The following ATP2B3 variants were observed in gnomAD, a reference collection of about 807,000 sequenced individuals.
ATP2B3 encodes the protein plasma membrane calcium-transporting ATPase 3.
Under a neutral mutation model 70.8 loss-of-function variants are expected in ATP2B3, and 12 were observed. That is an observed-to-expected ratio of 0.17 (90% confidence interval 0.11 to 0.27). The LOEUF (loss-of-function observed/expected upper bound fraction) is 0.27. Among genes scored for constraint, ATP2B3 ranks in the 10% least tolerant of loss-of-function variants. The pLI is 1.00. For synonymous variants in ATP2B3, 460 were observed against 497.8 expected (o/e 0.92, Z 1.01); for missense variants, 858 against 1,118.5 (o/e 0.77, Z 3.32).
intron 2 of ATP2B3, among the ~76,000 whole-genome samples, chrX:153,518,851 A>G (rs1193844709): frequency 8.9e-6 from 1 of 112,139 alleles, no homozygotes; most frequent in Non-Finnish European, 1.9e-5. Context: ...GAGGTCATAT[A>G]ACTTTCAAAG....
rs2090930245 is a variant in ATP2B3, at chrX:153,582,438, T to A, written c.*2140T>A. On this transcript the variant is annotated 3_prime_UTR_variant, in exon 22 of 22. Transcript: ENST00000263519. The stretch of plus-strand genomic sequence containing the variant: ...TCAATGAGAAATCAAATTTGAGACG[T>A]TGAAATTGGAGCTGCGTGCTGCTGC... The A allele has an allele frequency of 8.9e-6, 1 of 112,739 alleles. No homozygotes were observed. Among genetic ancestry groups the A allele is most frequent in the African/African-American group, 3.2e-5 (1 of 30,954 alleles). 9.3% of individuals were successfully genotyped at this position (112,739 alleles called of 1,213,427 possible).
chrX:153,520,222 T>C (rs2089938793), intron 2 of ATP2B3, among the ~76,000 whole-genome samples: 1 of 111,927 alleles, frequency 8.9e-6, no homozygotes, highest in Non-Finnish European at 1.9e-5. Flanking sequence ...AGTGCCGGGG[T>C]CAGCCGTGGA....
At chrX:153,526,034 T>C (rs2090027108) in intron 2 of ATP2B3, among the ~76,000 whole-genome samples, 1 of 112,443 alleles carries the variant, frequency 8.9e-6, no homozygotes, top group East Asian at 2.8e-4. Flanking sequence ...CATCCACCCT[T>C]CCCCGAAGGA....
intron 19 of ATP2B3, among the ~76,000 whole-genome samples, chrX:153,561,140 G>A (rs1321027346): frequency 8.9e-6 from 1 of 112,191 alleles, no homozygotes; most frequent in African/African-American, 3.2e-5. Flanking sequence ...AGCCCTCATC[G>A]GAACGAAGTT....
At chrX:153,530,688 T>A (rs1397563814) in intron 2 of ATP2B3, among the ~76,000 whole-genome samples, 1 of 106,101 alleles carries the variant, frequency 9.4e-6, no homozygotes, top group South Asian at 4.1e-4. Flanking sequence ...CATGCAGGAG[T>A]GGGGAGGGGG....
intron 11 of ATP2B3, 48 bp from the exon 12 acceptor site, chrX:153,549,997 A>C: frequency 8.4e-7 from 1 of 1,192,001 alleles, no homozygotes; most frequent in Non-Finnish European, 1.1e-6. Context: ...GGCAGCATGG[A>C]GGGTGGTCTC....
At position 153,527,369 on chromosome X, in the gene ATP2B3, G is replaced by A. The variant is rs782241948; in HGVS notation, c.-126-8753G>A. 1.9e-4 allele frequency among the ~76,000 whole-genome samples: 21 copies of A among 113,186 alleles called. 1 individual carries two copies. The East Asian group carries it at 5.0e-3, about 27-fold the overall frequency. On this transcript the variant is annotated intron_variant, in intron 2 of 21. Transcript: ENST00000263519. ...AGGTCCCCATGCCGTCCCTGCCTTC[G>A]GGGCTGCTGGGCAGGCCCGGGCTGG...
intron 21 of ATP2B3, among the ~76,000 whole-genome samples, chrX:153,567,534 C>G (rs1158952772): frequency 8.8e-6 from 1 of 113,104 alleles, no homozygotes; most frequent in African/African-American, 3.2e-5. Context: ...GGTTTTCCAG[C>G]AGCTGAGACA....
chrX:153,580,361 C>T lies in ATP2B3; in HGVS notation c.*63C>T, dbSNP rs1046702122. On this transcript the variant is annotated 3_prime_UTR_variant, in exon 22 of 22. Coordinates refer to ENST00000263519, the MANE Select transcript of ATP2B3 (RefSeq NM_001001344.3). ...GGACTCACACGAAGTCACACGCACA[C>T]ATGCACGCACACACACATATGGGGA... The T allele has an allele frequency of 7.8e-6, 8 of 1,027,824 alleles. No individual in the cohort carries two copies. Among genetic ancestry groups the T allele is most frequent in the Admixed American group, 7.3e-5 (3 of 40,990 alleles). 84.7% of individuals were successfully genotyped at this position (1,027,824 alleles called of 1,213,427 possible).
chrX:153,527,690 CG>C (rs2090054986), intron 2 of ATP2B3, among the ~76,000 whole-genome samples: 1 of 112,263 alleles, frequency 8.9e-6, no homozygotes, highest in Admixed American at 9.4e-5. Context: ...TGCGGGAGTC[CG>C]GGCAAGCTTG....
chrX:153,581,173 G>A lies in ATP2B3; in HGVS notation c.*875G>A, dbSNP rs782394492. 15 of 106,752 alleles carry A rather than the reference G, an allele frequency of 1.4e-4. No individual in the cohort carries two copies. The highest frequency in any genetic ancestry group is 3.8e-4 in the African/African-American group (11 of 28,952). 8.8% of individuals were successfully genotyped at this position (106,752 alleles called of 1,213,427 possible). A position where few individuals can be genotyped will look rare whatever the true frequency, so the allele number is the denominator to read the frequency against. On this transcript the variant is annotated 3_prime_UTR_variant, in exon 22 of 22. Coordinates refer to ENST00000263519, the MANE Select transcript of ATP2B3 (RefSeq NM_001001344.3). ...CCTCATCACCCCGCCCCCACCTTTCGCTCCTGCCCTCTGCCCGGCCCTACT... is the reference window on the plus strand; with the variant it reads ...CCTCATCACCCCGCCCCCACCTTTCACTCCTGCCCTCTGCCCGGCCCTACT...
intron 2 of ATP2B3, among the ~76,000 whole-genome samples, chrX:153,531,013 G>A (rs1557001686): frequency 8.9e-6 from 1 of 112,346 alleles, no homozygotes; most frequent in African/African-American, 3.2e-5. Context: ...GCTGCATGCA[G>A]GCCTTGTCCT....
intron 12 of ATP2B3, among the ~76,000 whole-genome samples, chrX:153,552,536 G>A (rs73245899): frequency 0.028 from 3,168 of 112,095 alleles, 54 homozygotes; most frequent in Non-Finnish European, 0.047. Flanking sequence ...CTGCCTGGAC[G>A]TGGTTATAGC....
intron 2 of ATP2B3, among the ~76,000 whole-genome samples, chrX:153,528,201 A>G (rs1163286335): frequency 1.8e-5 from 2 of 112,372 alleles, no homozygotes; most frequent in Non-Finnish European, 3.8e-5. Flanking sequence ...GGGCAGTATA[A>G]CTTGGCAGAG....
At chrX:153,565,892 C>T (rs972896311) in intron 21 of ATP2B3, among the ~76,000 whole-genome samples, 3 of 112,628 alleles carry the variant, frequency 2.7e-5, no homozygotes, top group Non-Finnish European at 3.8e-5. Context: ...CTCGTGGGGT[C>T]GGGCTGTCCC....
At position 153,553,283 on chromosome X, in the gene ATP2B3, T is replaced by C; in HGVS notation, c.2058+14T>C. ...GTGCGGCCCGAGGTAGCCACCACCT[T>C]CTCTGTGAGCTGCCCTGGTAACTGT... On this transcript the variant is annotated intron_variant, in intron 13 of 21. Coordinates refer to ENST00000263519, the MANE Select transcript of ATP2B3 (RefSeq NM_001001344.3). 8.4e-7 allele frequency: 1 copy of C among 1,186,569 alleles called. No homozygotes were observed. The highest frequency in any genetic ancestry group is 1.1e-6 in the Non-Finnish European group (1 of 876,619).
chrX:153,537,555 GC>G (rs1557004678), intron 3 of ATP2B3, among the ~76,000 whole-genome samples: 1 of 113,309 alleles, frequency 8.8e-6, no homozygotes, highest in Non-Finnish European at 1.9e-5. Context: ...GGGGCTGCGG[GC>G]CAGGTCAGGA....
intron 21 of ATP2B3, chrX:153,574,946 C>T (rs781809899): frequency 1.8e-4 from 54 of 301,586 alleles, no homozygotes; most frequent in Non-Finnish European, 2.9e-4. Flanking sequence ...TGCTCATCCA[C>T]GCAAGTCGGG....
At chrX:153,521,651 G>T (rs1479661876) in intron 2 of ATP2B3, among the ~76,000 whole-genome samples, 1 of 111,921 alleles carries the variant, frequency 8.9e-6, no homozygotes, top group Non-Finnish European at 1.9e-5. Context: ...CTGTAGGTGG[G>T]TCTCTCAGTA....
Sources: gnomAD v4.1 joint callset for allele counts (sites outside exome capture counted in the v4.1 genomes callset) on GRCh38, gnomAD v4.1.1 for gene constraint, MANE v1.5 for transcripts, NCBI Gene and HGNC (gene_info 2026-07-23, HGNC 2026-07-21) for gene names.